The following PLCL1 variants were observed in gnomAD, a reference collection of about 807,000 sequenced individuals.
The protein encoded by PLCL1 is phospholipase C like 1 (inactive).
In PLCL1, 41 loss-of-function variants were observed where a neutral mutation model predicts 84.4. The observed-to-expected ratio is 0.49, with a 90% CI of 0.38 to 0.63. PLCL1 has a LOEUF of 0.63. PLCL1 is among the 30% of genes least tolerant of loss of function. The probability of loss-of-function intolerance (pLI) is 0.00; values close to 1 mark genes in which losing one functional copy is unlikely to be tolerated. For synonymous variants in PLCL1, 490 were observed against 488.3 expected (o/e 1.00, Z -0.05); for missense variants, 1,206 against 1,367.8 (o/e 0.88, Z 1.87).
intron 1 of PLCL1, among the ~76,000 whole-genome samples, chr2:197,813,422 G>T (rs1208062230): frequency 1.3e-5 from 2 of 152,126 alleles, no homozygotes; most frequent in Non-Finnish European, 2.9e-5. Flanking sequence ...TATAAAAGAT[G>T]CAAAGTCATC....
chr2:197,865,397 T>C (rs958312700), intron 1 of PLCL1, among the ~76,000 whole-genome samples: 2 of 152,122 alleles, frequency 1.3e-5, no homozygotes, highest in African/African-American at 2.4e-5. Flanking sequence ...AATTGGAAAG[T>C]AAACCTGGCT....
In PLCL1 at chr2:197,862,628, T is replaced by G. The variant is rs1276476034; in HGVS notation, c.240+57289T>G. Among the ~76,000 whole-genome samples, 3 of 152,168 alleles carry G rather than the reference T, an allele frequency of 2.0e-5. No individual in the cohort carries two copies. The East Asian group carries it at 5.8e-4, about 29-fold the overall frequency. On this transcript the variant is annotated intron_variant, in intron 1 of 5. Coordinates refer to ENST00000428675, the MANE Select transcript of PLCL1 (RefSeq NM_006226.4). ...TCTGTGTTGGTGCCAGTCTCAGGCT[T>G]GATGTGGGAACACTTTAGTTGTAAT...
At chr2:198,065,371 C>T (rs1692301150) in intron 1 of PLCL1, among the ~76,000 whole-genome samples, 1 of 152,276 alleles carries the variant, frequency 6.6e-6, no homozygotes, top group Non-Finnish European at 1.5e-5. Context: ...ATTCTTCTTA[C>T]AGAATTCTCT....
intron 1 of PLCL1, among the ~76,000 whole-genome samples, chr2:198,059,017 A>G (rs577993107): frequency 3.0e-4 from 45 of 152,300 alleles, no homozygotes; most frequent in African/African-American, 1.1e-3. Flanking sequence ...TTCATTGCCT[A>G]TAACCCCCAA....
chr2:197,935,096 C>T (rs548935478), intron 1 of PLCL1, among the ~76,000 whole-genome samples: 10 of 152,226 alleles, frequency 6.6e-5, no homozygotes, highest in African/African-American at 2.2e-4. Context: ...CCATCTTACA[C>T]CAGACAGAAT....
intron 1 of PLCL1, among the ~76,000 whole-genome samples, chr2:198,047,693 G>A (rs1296820819): frequency 6.6e-6 from 1 of 152,096 alleles, no homozygotes; most frequent in African/African-American, 2.4e-5. Flanking sequence ...TCTTGGAAGG[G>A]GCACTAGAAG....
intron 1 of PLCL1, among the ~76,000 whole-genome samples, chr2:198,074,929 C>T (rs1692543927): frequency 6.6e-6 from 1 of 152,180 alleles, no homozygotes; most frequent in East Asian, 1.9e-4. Flanking sequence ...AATTAAGCAT[C>T]AAGTTATATG....
intron 1 of PLCL1, among the ~76,000 whole-genome samples, chr2:197,959,365 A>G (rs1323602933): frequency 6.6e-6 from 1 of 152,018 alleles, no homozygotes; most frequent in Non-Finnish European, 1.5e-5. Context: ...CAGGTCTTCT[A>G]CTGATTGGAT....
intron 1 of PLCL1, among the ~76,000 whole-genome samples, chr2:197,843,617 C>G (rs139737125): frequency 2.2e-3 from 340 of 152,254 alleles, no homozygotes; most frequent in African/African-American, 7.8e-3. Context: ...GTATCCTGAA[C>G]TCACTTTTGA....
At chr2:197,997,001 G>GGA (rs1299496212) in intron 1 of PLCL1, among the ~76,000 whole-genome samples, 1 of 152,158 alleles carries the variant, frequency 6.6e-6, no homozygotes. Flanking sequence ...GGAGAGGGAA[G>GGA]GAGAGAGATA....
intron 1 of PLCL1, among the ~76,000 whole-genome samples, chr2:198,024,759 T>C: frequency 8.0e-6 from 1 of 124,588 alleles, no homozygotes; most frequent in African/African-American, 2.9e-5. Flanking sequence ...GCGAAATCTA[T>C]CTCAAAAAAA....
intron 3 of PLCL1, among the ~76,000 whole-genome samples, chr2:198,095,135 AG>A (rs1291741409): frequency 6.6e-6 from 1 of 152,184 alleles, no homozygotes; most frequent in Non-Finnish European, 1.5e-5. Context: ...TCTGCTCATC[AG>A]GAAAGTTTTC....
At chr2:197,856,220 A>T (rs1275621390) in intron 1 of PLCL1, among the ~76,000 whole-genome samples, 1 of 152,226 alleles carries the variant, frequency 6.6e-6, no homozygotes, top group Non-Finnish European at 1.5e-5. Context: ...TTAGAGGTCC[A>T]GCCCCGTAGG....
At chr2:197,934,238 T>C (rs1045478314) in intron 1 of PLCL1, among the ~76,000 whole-genome samples, 1 of 152,354 alleles carries the variant, frequency 6.6e-6, no homozygotes, top group Middle Eastern at 3.4e-3. Flanking sequence ...GACAGGAAGC[T>C]GTCTATCAAG....
rs1419397081 is a variant in PLCL1, at chr2:198,071,108, A to G, written c.241-12650A>G. On this transcript the variant is annotated intron_variant, in intron 1 of 5. Transcript: ENST00000428675. ...CTGCTTTTTAAGTATGCACACACAC[A>G]CACACACACACACACACACACACAC... The G allele has an allele frequency of 1.1e-4, 12 of 108,164 alleles. No homozygotes were observed. The Admixed American group carries it at 1.2e-3, about 11-fold the overall frequency. 6.7% of individuals were successfully genotyped at this position (108,164 alleles called of 1,614,324 possible).
chr2:197,939,658 A>G (rs960880546), intron 1 of PLCL1, among the ~76,000 whole-genome samples: 1 of 151,066 alleles, frequency 6.6e-6, no homozygotes, highest in African/African-American at 2.4e-5. Context: ...ACCTTTTTAC[A>G]TAACCCATCT....
intron 5 of PLCL1, among the ~76,000 whole-genome samples, chr2:198,136,813 C>G (rs1253340123): frequency 6.6e-6 from 1 of 152,098 alleles, no homozygotes; most frequent in South Asian, 2.1e-4. Context: ...TATGACGATA[C>G]CTTTGAAGTG....
At chr2:198,075,925 T>C (rs1485217763) in intron 1 of PLCL1, among the ~76,000 whole-genome samples, 1 of 152,216 alleles carries the variant, frequency 6.6e-6, no homozygotes, top group Non-Finnish European at 1.5e-5. Flanking sequence ...TCAATCTTTG[T>C]GTAAATGGAA....
intron 1 of PLCL1, among the ~76,000 whole-genome samples, chr2:198,051,932 C>T (rs113188319): frequency 0.031 from 4,638 of 149,836 alleles, 247 homozygotes; most frequent in African/African-American, 0.11. Flanking sequence ...TTTTTGAGAC[C>T]GAGTTTCACT....
Sources: gnomAD v4.1 joint callset for allele counts (sites outside exome capture counted in the v4.1 genomes callset) on GRCh38, gnomAD v4.1.1 for gene constraint, MANE v1.5 for transcripts, NCBI Gene and HGNC (gene_info 2026-07-23, HGNC 2026-07-21) for gene names.